Variants in SUGCT observed in about 807,000 individuals in gnomAD.
The protein encoded by SUGCT is succinyl-CoA:glutarate-CoA transferase, also known as succinyl-CoA:glutarate CoA-transferase.
A neutral mutation model predicts 55.0 loss-of-function variants in SUGCT; 41 were observed. The ratio of observed to expected loss-of-function variants is 0.74; its 90% confidence interval spans 0.58 to 0.97. The LOEUF (loss-of-function observed/expected upper bound fraction) is 0.97, where lower values mean the gene tolerates loss of function less well. Among genes scored for constraint, SUGCT ranks in the 50% least tolerant of loss-of-function variants. The pLI is 0.00. For missense variants in SUGCT, 568 were observed against 547.8 expected, an observed-to-expected ratio of 1.04 and a Z score of -0.37; for synonymous variants, 187 against 200.4, an observed-to-expected ratio of 0.93 and a Z score of 0.56.
chr7:40,916,429 A>G, the SUGCT span, among the ~76,000 whole-genome samples: 17,815 of 152,160 alleles, frequency 0.12, 1,130 homozygotes, highest in South Asian at 0.14. Flanking sequence ...ACTAGTTACT[A>G]CTAGATTTTA....
chr7:40,678,042 G>A (rs566352354), intron 12 of SUGCT, among the ~76,000 whole-genome samples: 8 of 152,288 alleles, frequency 5.3e-5, no homozygotes, highest in South Asian at 2.1e-4. Flanking sequence ...GGGCACAGCC[G>A]CTGGCTTCCT....
chr7:40,457,737 A>C (rs772881696), intron 10 of SUGCT, among the ~76,000 whole-genome samples: 2 of 152,216 alleles, frequency 1.3e-5, no homozygotes, highest in Admixed American at 1.3e-4. Context: ...CAGAGGACAC[A>C]TGGGCATTCC....
At chr7:40,299,106 A>AT (rs914235296) in intron 8 of SUGCT, among the ~76,000 whole-genome samples, 1 of 152,042 alleles carries the variant, frequency 6.6e-6, no homozygotes, top group South Asian at 2.1e-4. Context: ...CAGTGACTTG[A>AT]TTTTTTTCCC....
the SUGCT span, among the ~76,000 whole-genome samples, chr7:40,947,327 C>T: frequency 6.6e-6 from 1 of 152,092 alleles, no homozygotes; most frequent in Admixed American, 6.6e-5. Context: ...TGACATTCTC[C>T]AATTGATGAG....
chr7:40,480,816 C>T (rs1252420730), intron 11 of SUGCT, among the ~76,000 whole-genome samples: 1 of 151,890 alleles, frequency 6.6e-6, no homozygotes, highest in Non-Finnish European at 1.5e-5. Flanking sequence ...AAGCTTCAGA[C>T]CACAAAAGTG....
At chr7:40,761,686 G>C (rs1441949911) in intron 13 of SUGCT, among the ~76,000 whole-genome samples, 1 of 152,100 alleles carries the variant, frequency 6.6e-6, no homozygotes, top group African/African-American at 2.4e-5. Flanking sequence ...TTTTCCCTCA[G>C]AGCGCTTATT....
At chr7:40,593,502 A>G (rs1797840469) in intron 12 of SUGCT, among the ~76,000 whole-genome samples, 1 of 152,208 alleles carries the variant, frequency 6.6e-6, no homozygotes, top group Admixed American at 6.5e-5. Context: ...GAACACTCTA[A>G]TAAAACAGTA....
intron 9 of SUGCT, among the ~76,000 whole-genome samples, chr7:40,372,965 G>A (rs1041920379): frequency 1.3e-5 from 2 of 151,930 alleles, no homozygotes; most frequent in Non-Finnish European, 2.9e-5. Flanking sequence ...ACAGACAGAG[G>A]ATTATTAGGT....
At chr7:40,722,982 G>A (rs1482884425) in intron 12 of SUGCT, among the ~76,000 whole-genome samples, 2 of 151,976 alleles carry the variant, frequency 1.3e-5, no homozygotes, top group African/African-American at 4.8e-5. Context: ...ATTTGCTTCC[G>A]AGATCAGCTA....
chr7:40,949,814 A>G, the SUGCT span, among the ~76,000 whole-genome samples: 6 of 152,048 alleles, frequency 3.9e-5, no homozygotes, highest in Non-Finnish European at 8.8e-5. Flanking sequence ...ACTGGTCTAT[A>G]TCTCTGTTTT....
the SUGCT span, among the ~76,000 whole-genome samples, chr7:40,980,784 C>T: frequency 7.9e-5 from 12 of 152,144 alleles, no homozygotes; most frequent in African/African-American, 2.7e-4. Flanking sequence ...ACAACTTCTG[C>T]CTCCTGAGCT....
chr7:40,372,086 G>A (rs1258758777), intron 9 of SUGCT, among the ~76,000 whole-genome samples: 3 of 150,946 alleles, frequency 2.0e-5, no homozygotes, highest in African/African-American at 7.3e-5. Context: ...TTTTGACATG[G>A]TTTTACTGGT....
intron 12 of SUGCT, among the ~76,000 whole-genome samples, chr7:40,586,018 T>C (rs1797358907): frequency 6.6e-6 from 1 of 152,170 alleles, no homozygotes; most frequent in South Asian, 2.1e-4. Context: ...TTTTTTCTTT[T>C]ACCTGCCAGA....
At chr7:40,955,435 T>G in the SUGCT span, among the ~76,000 whole-genome samples, 2 of 152,130 alleles carry the variant, frequency 1.3e-5, no homozygotes, top group Non-Finnish European at 2.9e-5. Flanking sequence ...CTCTCTGTTT[T>G]TCTGTTGTTG....
At chr7:40,555,264 G>A (rs1226290402) in intron 12 of SUGCT, among the ~76,000 whole-genome samples, 1 of 151,454 alleles carries the variant, frequency 6.6e-6, no homozygotes, top group Non-Finnish European at 1.5e-5. Context: ...GATGGTCCAG[G>A]ATGCACTCTC....
intron 12 of SUGCT, among the ~76,000 whole-genome samples, chr7:40,576,834 C>T (rs1353073193): frequency 6.6e-6 from 1 of 152,124 alleles, no homozygotes; most frequent in Non-Finnish European, 1.5e-5. Context: ...TTTCACCTTC[C>T]CTCTAATAGC....
chr7:40,419,828 GA>G (rs769051939), intron 9 of SUGCT, among the ~76,000 whole-genome samples: 1 of 152,214 alleles, frequency 6.6e-6, no homozygotes, highest in African/African-American at 2.4e-5. Context: ...TTAATAAAAA[GA>G]AAAAAACTTT....
intron 12 of SUGCT, among the ~76,000 whole-genome samples, chr7:40,740,097 T>C (rs1396412188): frequency 6.6e-6 from 1 of 152,140 alleles, no homozygotes. Context: ...CAACATTTTA[T>C]AATTTCCAGC....
chr7:40,736,289 A>G (rs1787163233), intron 12 of SUGCT, among the ~76,000 whole-genome samples: 1 of 146,654 alleles, frequency 6.8e-6, no homozygotes, highest in Non-Finnish European at 1.5e-5. Flanking sequence ...ATATATTATA[A>G]TATTTATATA....
Sources: allele counts gnomAD v4.1 joint callset (sites outside exome capture counted in the v4.1 genomes callset), GRCh38; gene constraint gnomAD v4.1.1; transcripts MANE v1.5; gene names NCBI Gene and HGNC (gene_info 2026-07-23, HGNC 2026-07-21).